RBFOX1: variants seen among roughly 807,000 people sequenced by gnomAD.
RBFOX1 encodes RNA binding fox-1 homolog 1.
RBFOX1 carries 8 observed loss-of-function variants against 57.7 expected under a neutral mutation model. That is an observed-to-expected ratio of 0.14 (90% CI 0.08 to 0.25). The LOEUF (loss-of-function observed/expected upper bound fraction) is 0.25. Ranked by LOEUF, RBFOX1 falls within the 10% of genes least tolerant of loss-of-function variation. The probability of loss-of-function intolerance (pLI) is 1.00; values close to 1 mark genes in which losing one functional copy is unlikely to be tolerated. For missense variants in RBFOX1, 611 were observed against 548.5 expected, an observed-to-expected ratio of 1.11 and a Z score of -1.14; for synonymous variants, 326 against 222.4, an observed-to-expected ratio of 1.47 and a Z score of -4.15.
chr16:5,726,773 T>C (rs549438122), intron 3 of RBFOX1, among the ~76,000 whole-genome samples: 14 of 152,358 alleles, frequency 9.2e-5, no homozygotes, highest in African/African-American at 9.6e-5. Flanking sequence ...TATTTTAATA[T>C]TATTGTTCGC....
At chr16:6,159,201 C>A (rs12448114) in intron 1 of RBFOX1, among the ~76,000 whole-genome samples, 12,046 of 152,214 alleles carry the variant, frequency 0.079, 703 homozygotes, top group Admixed American at 0.19. Flanking sequence ...CTCGGCCTCC[C>A]GAGTAGATGG....
At chr16:6,264,064 G>A (rs866387183) in intron 1 of RBFOX1, among the ~76,000 whole-genome samples, 1 of 152,142 alleles carries the variant, frequency 6.6e-6, no homozygotes, top group South Asian at 2.1e-4. Context: ...TTGCAATGGG[G>A]ATTCGATAAC....
At chr16:7,133,082 A>G (rs1301116235) in intron 4 of RBFOX1, among the ~76,000 whole-genome samples, 1 of 152,194 alleles carries the variant, frequency 6.6e-6, no homozygotes, top group African/African-American at 2.4e-5. Context: ...TTATTATGGC[A>G]AAACTATTTT....
At chr16:5,773,805 C>T (rs1463837458) in intron 3 of RBFOX1, among the ~76,000 whole-genome samples, 2 of 152,078 alleles carry the variant, frequency 1.3e-5, no homozygotes, top group South Asian at 4.1e-4. Context: ...TCAAGCGGTT[C>T]TACTGCCTCA....
chr16:7,548,442 C>T (rs1025001053), intron 5 of RBFOX1, among the ~76,000 whole-genome samples: 16 of 152,210 alleles, frequency 1.1e-4, no homozygotes, highest in African/African-American at 1.7e-4. Context: ...AGGTATGAGC[C>T]ACTGCGCCTG....
chr16:7,624,495 A>T (rs1001930527), intron 10 of RBFOX1, among the ~76,000 whole-genome samples: 10 of 152,206 alleles, frequency 6.6e-5, no homozygotes, highest in Admixed American at 2.6e-4. Flanking sequence ...ATAACATGTC[A>T]TCCTCTGGAA....
At chr16:5,524,315 C>T (rs1371729155) in intron 2 of RBFOX1, among the ~76,000 whole-genome samples, 1 of 152,084 alleles carries the variant, frequency 6.6e-6, no homozygotes, top group Non-Finnish European at 1.5e-5. Context: ...TCTCCCCATC[C>T]CCATTCAACC....
intron 4 of RBFOX1, among the ~76,000 whole-genome samples, chr16:7,362,353 TTGTG>T (rs376547530): frequency 0.024 from 3,558 of 150,022 alleles, 136 homozygotes; most frequent in African/African-American, 0.083. Flanking sequence ...GTATGTGTGT[TTGTG>T]TGTATGCTAG....
intron 2 of RBFOX1, among the ~76,000 whole-genome samples, chr16:5,523,559 G>C (rs1161648671): frequency 1.3e-5 from 2 of 152,212 alleles, no homozygotes; most frequent in Admixed American, 1.3e-4. Context: ...TGAGACTGCA[G>C]TGAGCCACGA....
At chr16:7,053,660 C>A (rs1162058968) in intron 4 of RBFOX1, among the ~76,000 whole-genome samples, 1 of 152,086 alleles carries the variant, frequency 6.6e-6, no homozygotes, top group Non-Finnish European at 1.5e-5. Flanking sequence ...GGATTATTTC[C>A]CATTTATGAG....
chr16:5,905,696 C>A (rs1367095414), intron 4 of RBFOX1, among the ~76,000 whole-genome samples: 1 of 152,090 alleles, frequency 6.6e-6, no homozygotes, highest in Non-Finnish European at 1.5e-5. Flanking sequence ...AACGCAACAA[C>A]AAAAGACACA....
intron 4 of RBFOX1, among the ~76,000 whole-genome samples, chr16:7,129,864 A>G (rs2151951350): frequency 1.3e-5 from 2 of 151,860 alleles, no homozygotes; most frequent in South Asian, 2.1e-4. Context: ...GTGCATGGAT[A>G]GATGGTGGAT....
intron 4 of RBFOX1, among the ~76,000 whole-genome samples, chr16:7,410,551 C>T (rs554884143): frequency 3.6e-4 from 55 of 152,246 alleles, no homozygotes; most frequent in African/African-American, 7.0e-4. Flanking sequence ...AGTGGTGGTG[C>T]GTGCCTGTAA....
At chr16:5,760,527 A>G (rs1045459296) in intron 3 of RBFOX1, among the ~76,000 whole-genome samples, 6 of 152,188 alleles carry the variant, frequency 3.9e-5, no homozygotes, top group Admixed American at 2.6e-4. Flanking sequence ...ACAGAGGAGA[A>G]GATAAACAAA....
chr16:7,290,848 G>T (rs955473415), intron 4 of RBFOX1, among the ~76,000 whole-genome samples: 1 of 152,180 alleles, frequency 6.6e-6, no homozygotes, highest in African/African-American at 2.4e-5. Flanking sequence ...CTGAGTCTCA[G>T]CATGCTTGTG....
chr16:6,939,056 C>G (rs1370137472), intron 3 of RBFOX1, among the ~76,000 whole-genome samples: 1 of 152,172 alleles, frequency 6.6e-6, no homozygotes, highest in Non-Finnish European at 1.5e-5. Context: ...AATATCAATG[C>G]TACCATGGGG....
chr16:7,001,557 A>G lies in RBFOX1; in HGVS notation c.-15-50500A>G, dbSNP rs376297159. 3.1e-4 allele frequency among the ~76,000 whole-genome samples: 47 copies of G among 152,228 alleles called. 2 individuals carry two copies. Among genetic ancestry groups the G allele is most frequent in the African/African-American group, 1.1e-3 (47 of 41,540 alleles). The stretch of plus-strand genomic sequence containing the variant: ...TTGCAACCTCCGCCTCCCGGGTTCA[A>G]GTGATGCTCCTACATCAGCCTCCCG... On this transcript the variant is annotated intron_variant, in intron 3 of 15. Coordinates refer to ENST00000550418, the MANE Select transcript of RBFOX1 (RefSeq NM_018723.4).
intron 2 of RBFOX1, among the ~76,000 whole-genome samples, chr16:6,641,524 C>T (rs2098487672): frequency 6.6e-6 from 1 of 151,898 alleles, no homozygotes; most frequent in Non-Finnish European, 1.5e-5. Context: ...CGCTTGAGCC[C>T]AGGAGTTTAA....
At chr16:6,241,959 G>A (rs1290764487) in intron 1 of RBFOX1, among the ~76,000 whole-genome samples, 1 of 152,182 alleles carries the variant, frequency 6.6e-6, no homozygotes, top group Non-Finnish European at 1.5e-5. Flanking sequence ...ATTGGGAAAG[G>A]TCAGTGGAAG....
Sources: allele counts gnomAD v4.1 joint callset (sites outside exome capture counted in the v4.1 genomes callset), GRCh38; gene constraint gnomAD v4.1.1; transcripts MANE v1.5; gene names NCBI Gene and HGNC (gene_info 2026-07-23, HGNC 2026-07-21).